PNKD: variants seen among roughly 807,000 people sequenced by gnomAD.
The protein encoded by PNKD is probable thioesterase PNKD.
PNKD carries 36 observed loss-of-function variants against 45.3 expected under a neutral mutation model. That is an observed-to-expected ratio of 0.80 (90% CI 0.61 to 1.05). The LOEUF (loss-of-function observed/expected upper bound fraction) is 1.05. Ranked by LOEUF, PNKD falls within the 50% of genes least tolerant of loss-of-function variation. PNKD has a pLI of 0.00. For synonymous variants in PNKD, 197 were observed against 210.1 expected (o/e 0.94, Z 0.54); for missense variants, 511 against 506.6 (o/e 1.01, Z -0.08).
chr2:218,289,896 A>G (rs1322618339), intron 2 of PNKD: 1 of 152,228 alleles, frequency 6.6e-6, no homozygotes, highest in Non-Finnish European at 1.5e-5. Flanking sequence ...CTGGGTGATC[A>G]GTTACGCCCG....
At position 218,315,057 on chromosome 2, in the gene PNKD, T is replaced by TCTTCCTTCCTTCCTTCCTTC. The variant is rs1393170995; in HGVS notation, c.237-24707_237-24706insCCTTCCTTCCTTCCTTCCTT. Reference sequence around the variant, plus strand: ...CTTTCTTTTTCTTTCTTTCTTTCTTTCTTCCTTCCTTCCTTCCTTTCTTTC... The same window carrying TCTTCCTTCCTTCCTTCCTTC: ...CTTTCTTTTTCTTTCTTTCTTTCTTTCTTCCTTCCTTCCTTCCTTCCTTCCTTCCTTCCTTCCTTTCTTTC... On this transcript the variant is annotated intron_variant, in intron 2 of 9. Transcript: ENST00000273077. Among the ~76,000 whole-genome samples the TCTTCCTTCCTTCCTTCCTTC allele has an allele frequency of 3.1e-4, 17 of 55,644 alleles. 3 individuals carry two copies. Among genetic ancestry groups the TCTTCCTTCCTTCCTTCCTTC allele is most frequent in the Admixed American group, 2.8e-3 (12 of 4,230 alleles). The allele number at this position is 55,644 out of a possible 152,430, so 36.5% of individuals were successfully genotyped here. A position where few individuals can be genotyped will look rare whatever the true frequency, so the allele number is the denominator to read the frequency against.
rs534866046 is a variant in PNKD at position 218,296,442 on chromosome 2, G to C, written c.236+24893G>C. Among the ~76,000 whole-genome samples, 677 of 152,258 alleles carry C rather than the reference G, an allele frequency of 4.4e-3. 7 individuals are homozygous for C. Among genetic ancestry groups the C allele is most frequent in the African/African-American group, 0.015 (630 of 41,536 alleles). On this transcript the variant is annotated intron_variant, in intron 2 of 9. Transcript: ENST00000273077. ...GGGAGGGGGTGGTGGCAGCCTGGAA[G>C]GGGTGGGCCCAGGTGGAACCTGAAG...
rs761712009 is a variant in PNKD, at chr2:218,341,552, C to T, written c.543C>T (p.Asn181=). The T allele has an allele frequency of 2.2e-5, 35 of 1,601,066 alleles. No individual in the cohort carries two copies. The highest frequency in any genetic ancestry group is 2.6e-5 in the Non-Finnish European group (31 of 1,174,198). ...THKHWDHSGG[N]RDLSRRHRDC... Reference sequence around the variant, plus strand: ...CCTGCAGGGACCACAGTGGAGGGAACCGTGACCTCAGCCGGCGGCACCGGG... The same window carrying T: ...CCTGCAGGGACCACAGTGGAGGGAATCGTGACCTCAGCCGGCGGCACCGGG... Residue 181 remains asparagine, a synonymous_variant, in exon 6 of 10, where the codon AAC becomes AAT. Coordinates refer to ENST00000273077, the MANE Select transcript of PNKD (RefSeq NM_015488.5).
In PNKD at chr2:218,280,075, C is replaced by G. The variant is rs750928581; in HGVS notation, c.236+8526C>G. 3.4e-5 allele frequency: 55 copies of G among 1,614,032 alleles called. 1 individual carries two copies. Among genetic ancestry groups the G allele is most frequent in the Middle Eastern group, 3.3e-4 (2 of 6,082 alleles). The stretch of plus-strand genomic sequence containing the variant: ...TTTCCGGTCATCCCACTCTCCAGGC[C>G]CGAAGCTATCACTCACTGCTCTCTC... On this transcript the variant is annotated intron_variant, in intron 2 of 9. Transcript: ENST00000273077.
rs752968981 is a variant in PNKD, at chr2:218,281,939, C to CCGTA, written c.236+10391_236+10394dup. ...CTTCCATCTGCCCTTCCAGGACTCACCGTAGTTCATGGGCATCGGGTGGGT... is the reference window on the plus strand; with the variant it reads ...CTTCCATCTGCCCTTCCAGGACTCACCGTACGTAGTTCATGGGCATCGGGTGGGT... On this transcript the variant is annotated intron_variant, in intron 2 of 9. Transcript: ENST00000273077. 8.8e-6 allele frequency: 14 copies of CCGTA among 1,592,224 alleles called. No homozygotes were observed. In the South Asian group the frequency reaches 1.6e-4, roughly 18 times the overall value.
rs2106292815 is a variant in PNKD, at chr2:218,339,855, C to A, written c.309C>A (p.Arg103=). The change falls in exon 3 of 10, where the codon CGC becomes CGA. Residue 103 remains arginine (R), a synonymous_variant. Transcript: ENST00000273077. Reference sequence around the variant, plus strand: ...AGCAGCTGCGCAGGGCTCGGAATCGCTACCCTAAAGGCCACTCGAAAACCC... The same window carrying A: ...AGCAGCTGCGCAGGGCTCGGAATCGATACCCTAAAGGCCACTCGAAAACCC... ...YRQQLRRARN[R]YPKGHSKTQP... 6.2e-7 allele frequency: 1 copy of A among 1,612,472 alleles called. No homozygotes were observed. The highest frequency in any genetic ancestry group is 1.3e-5 in the African/African-American group (1 of 74,892).
intron 2 of PNKD, among the ~76,000 whole-genome samples, chr2:218,290,897 T>C (rs968700170): frequency 1.1e-4 from 16 of 152,196 alleles, no homozygotes; most frequent in Non-Finnish European, 4.4e-5. Context: ...ATCAGACATG[T>C]TGTTAGCAGA....
At chr2:218,309,282 G>C (rs1693523246) in intron 2 of PNKD, among the ~76,000 whole-genome samples, 1 of 151,600 alleles carries the variant, frequency 6.6e-6, no homozygotes, top group Non-Finnish European at 1.5e-5. Flanking sequence ...AGCCGGGCGT[G>C]GTGGTGCATG....
intron 2 of PNKD, chr2:218,282,310 G>A (rs1432511114): frequency 3.9e-5 from 22 of 558,860 alleles, no homozygotes; most frequent in Non-Finnish European, 6.6e-5. Context: ...TCCTTAGAGG[G>A]CAGCGTGTGA....
intron 2 of PNKD, among the ~76,000 whole-genome samples, chr2:218,322,904 G>C (rs963722097): frequency 2.8e-4 from 43 of 152,380 alleles, no homozygotes; most frequent in African/African-American, 1.0e-3. Context: ...GTTTCTGCCA[G>C]TTGAGAAAGT....
chr2:218,301,513 G>A (rs1469875088), intron 2 of PNKD, among the ~76,000 whole-genome samples: 1 of 152,178 alleles, frequency 6.6e-6, no homozygotes, highest in African/African-American at 2.4e-5. Context: ...CTTGGCCGAC[G>A]CAATGGCTCA....
chr2:218,272,904 C>T lies in PNKD; in HGVS notation c.236+1355C>T, dbSNP rs1690907858. The T allele has an allele frequency of 3.2e-6, 5 of 1,547,712 alleles. 1 individual carries two copies. In the South Asian group the frequency reaches 4.7e-5, roughly 14 times the overall value. ...CCTACCCTGCCCCACACCAAGGAGC[C>T]AGCCAAAGGCAAATAAAGTTATTGA... On this transcript the variant is annotated intron_variant, in intron 2 of 9. Coordinates refer to ENST00000273077, the MANE Select transcript of PNKD (RefSeq NM_015488.5).
At chr2:218,314,387 G>A (rs1438318145) in intron 2 of PNKD, among the ~76,000 whole-genome samples, 1 of 151,718 alleles carries the variant, frequency 6.6e-6, no homozygotes, top group East Asian at 1.9e-4. Context: ...AAGCCTGGCT[G>A]ATTTTTTAAA....
intron 2 of PNKD, among the ~76,000 whole-genome samples, chr2:218,331,243 G>A (rs1287325943): frequency 1.3e-5 from 2 of 151,954 alleles, no homozygotes; most frequent in African/African-American, 2.4e-5. Flanking sequence ...AGTGAAACCC[G>A]TCTCTACTAA....
At chr2:218,308,433 C>T (rs993926509) in intron 2 of PNKD, among the ~76,000 whole-genome samples, 6 of 151,802 alleles carry the variant, frequency 4.0e-5, no homozygotes, top group South Asian at 2.1e-4. Context: ...GTGATCTGCC[C>T]GCCTCAGCCT....
chr2:218,305,238 A>T (rs545090196), intron 2 of PNKD, among the ~76,000 whole-genome samples: 1 of 152,108 alleles, frequency 6.6e-6, no homozygotes, highest in African/African-American at 2.4e-5. Context: ...CATTTATCAC[A>T]CTGCATGCAT....
intron 2 of PNKD, chr2:218,281,841 A>T: frequency 1.0e-6 from 1 of 954,720 alleles, no homozygotes; most frequent in Non-Finnish European, 1.6e-6. Context: ...AAAGGGATTT[A>T]AGGGAAACTA....
At chr2:218,277,642 G>C in intron 2 of PNKD, 1 of 1,614,166 alleles carries the variant, frequency 6.2e-7, no homozygotes, top group Non-Finnish European at 8.5e-7. Context: ...CCTGGAAATG[G>C]TGCCCGTCAT....
chr2:218,279,191 G>C (rs1424429794), intron 2 of PNKD: 2 of 1,576,802 alleles, frequency 1.3e-6, no homozygotes, highest in Admixed American at 1.7e-5. Flanking sequence ...ATTGCCCATG[G>C]TCACCCTGAG....
Sources: gnomAD v4.1 joint callset for allele counts (sites outside exome capture counted in the v4.1 genomes callset) on GRCh38, gnomAD v4.1.1 for gene constraint, MANE v1.5 for transcripts, NCBI Gene and HGNC (gene_info 2026-07-23, HGNC 2026-07-21) for gene names.